Variants in GOLGA6C observed in about 807,000 individuals in gnomAD.
The protein encoded by GOLGA6C is golgin subfamily A member 6C.
A neutral mutation model predicts 57.5 loss-of-function variants in GOLGA6C; 3 were observed. That is an observed-to-expected ratio of 0.05 (90% CI 0.02 to 0.13). The LOEUF is 0.13. Among genes scored for constraint, GOLGA6C ranks in the 10% least tolerant of loss-of-function variants. GOLGA6C has a pLI of 1.00. For missense variants in GOLGA6C, 88 were observed against 525.6 expected (o/e 0.17, Z 8.14); for synonymous variants, 32 against 203.8 (o/e 0.16, Z 7.18).
rs2070795984 is a variant in GOLGA6C, at chr15:75,272,948, A to G, written c.*2749A>G. On this transcript the variant is annotated 3_prime_UTR_variant, in exon 18 of 18. Transcript: ENST00000300576. ...CAACTGAATAAATTTGAATTTCTGT[A>G]GGAAGTAAAGAATTAAAAATCTATT... is the stretch of plus-strand genomic sequence containing the variant. Among the ~76,000 whole-genome samples the G allele has an allele frequency of 6.6e-6, 1 of 152,018 alleles. No homozygotes were observed. The highest frequency in any genetic ancestry group is 6.5e-5 in the Admixed American group (1 of 15,274).
chr15:75,265,181 G>A lies in GOLGA6C; in HGVS notation c.624G>A (p.Arg208=), dbSNP rs775255691. 2 of 1,596,178 alleles carry A rather than the reference G, an allele frequency of 1.3e-6. No individual in the cohort carries two copies. Among genetic ancestry groups the A allele is most frequent in the South Asian group, 1.1e-5 (1 of 89,960 alleles). Residue 208 remains arginine, a synonymous_variant, in exon 8 of 18, where the codon CGG becomes CGA. Transcript: ENST00000300576. The part of the protein sequence containing the change: ...QRRLQQTIKE[R]ALLNAHVTQV... ...GGTTACAGCAGACCATAAAGGAGCG[G>A]GCGCTGCTGAACGCACACGTGACAC...
chr15:75,261,925 T>C (rs1424192515), intron 2 of GOLGA6C, among the ~76,000 whole-genome samples: 2 of 3,894 alleles, frequency 5.1e-4, no homozygotes, highest in African/African-American at 6.1e-4. Context: ...CAAGTGATTC[T>C]CTTGCCTTAG....
intron 7 of GOLGA6C, among the ~76,000 whole-genome samples, 196 bp downstream of exon 7, chr15:75,264,279 G>A (rs2070746427): frequency 3.5e-5 from 5 of 141,562 alleles, no homozygotes; most frequent in South Asian, 2.4e-4. Flanking sequence ...GGCACTGTGG[G>A]GAGTGAGCAC....
At position 75,265,176 on chromosome 15, in the gene GOLGA6C, G is replaced by T; in HGVS notation, c.619G>T (p.Glu207Ter). ...LQRRLQQTIKERALLNAHVTQ... is the reference protein window; with the variant it reads ...LQRRLQQTIK ...GCGGCGGTTACAGCAGACCATAAAGGAGCGGGCGCTGCTGAACGCACACGT... is the reference window on the plus strand; with the variant it reads ...GCGGCGGTTACAGCAGACCATAAAGTAGCGGGCGCTGCTGAACGCACACGT... The change falls in exon 8 of 18, where the codon GAG (glutamate) becomes TAG (stop). Residue 207 changes from glutamate (E) to a stop codon, truncating the protein, a stop_gained. Transcript: ENST00000300576. LOFTEE classifies it high-confidence loss of function. 6.3e-7 allele frequency: 1 copy of T among 1,597,242 alleles called. No individual in the cohort carries two copies. The highest frequency in any genetic ancestry group is 8.5e-7 in the Non-Finnish European group (1 of 1,175,938).
Position 75,270,204 on chromosome 15 carries a change from A to T in GOLGA6C, c.*5A>T, listed in dbSNP as rs777626871. On this transcript the variant is annotated 3_prime_UTR_variant, in exon 18 of 18. Transcript: ENST00000300576. Reference sequence around the variant, plus strand: ...CCTGTCATGCAGGACACCTAGGAGCACCCAGGCTTGCCCAGCAAACCCTGC... The same window carrying T: ...CCTGTCATGCAGGACACCTAGGAGCTCCCAGGCTTGCCCAGCAAACCCTGC... 6.3e-7 allele frequency: 1 copy of T among 1,592,410 alleles called. No individual in the cohort carries two copies. Among genetic ancestry groups the T allele is most frequent in the South Asian group, 1.1e-5 (1 of 89,268 alleles).
intron 1 of GOLGA6C, among the ~76,000 whole-genome samples, chr15:75,258,947 C>T (rs2070721145): frequency 6.7e-6 from 1 of 149,742 alleles, no homozygotes; most frequent in African/African-American, 2.5e-5. Flanking sequence ...TCAGCCCTCA[C>T]GTCCTGCCAC....
chr15:75,264,867 T>TCAAA (rs2141631880), intron 7 of GOLGA6C, among the ~76,000 whole-genome samples: 1 of 145,544 alleles, frequency 6.9e-6, no homozygotes, highest in African/African-American at 2.6e-5. Flanking sequence ...CCATAACGGT[T>TCAAA]CAAACAGTGG....
Position 75,270,187 on chromosome 15 carries a change from G to T in GOLGA6C, c.2070G>T (p.Met690Ile). The change falls in exon 18 of 18, where the codon ATG (methionine) becomes ATT (isoleucine). Residue 690 changes from methionine (M) to isoleucine (I), a missense_variant. Met to Ile is a conservative substitution (Grantham distance 10). Transcript: ENST00000300576. ...AGATCGTGCAGCTGTCTCCTGTCAT[G>T]CAGGACACCTAGGAGCACCCAGGCT... The part of the protein sequence containing the change: ...VQQIVQLSPV[M>I]QDT The T allele has an allele frequency of 1.3e-6, 2 of 1,592,948 alleles. No individual in the cohort carries two copies. Among genetic ancestry groups the T allele is most frequent in the South Asian group, 1.1e-5 (1 of 89,352 alleles).
At position 75,273,043 on chromosome 15, in the gene GOLGA6C, A is replaced by G; in HGVS notation, c.*2844A>G. 6.6e-6 allele frequency among the ~76,000 whole-genome samples: 1 copy of G among 152,008 alleles called. No homozygotes were observed. Among genetic ancestry groups the G allele is most frequent in the Admixed American group, 6.6e-5 (1 of 15,240 alleles). ...TGATGGGTTTTCCAGAAATGAAAACAAGTCAGTTCTAAAACCAAAGCTGAT... is the reference window on the plus strand; with the variant it reads ...TGATGGGTTTTCCAGAAATGAAAACGAGTCAGTTCTAAAACCAAAGCTGAT... On this transcript the variant is annotated 3_prime_UTR_variant, in exon 18 of 18. Transcript: ENST00000300576.
chr15:75,265,592 G>A (rs2141632641), intron 9 of GOLGA6C, 25 bp from the exon 10 acceptor site: 1 of 599,478 alleles, frequency 1.7e-6, no homozygotes, highest in East Asian at 2.9e-5. Flanking sequence ...TCTCTCCAGG[G>A]CCCTTTCCCC....
chr15:75,264,439 G>GGTGTGTGTGTGTGT lies in GOLGA6C; in HGVS notation c.564+381_564+394dup, dbSNP rs368165570. On this transcript the variant is annotated intron_variant, in intron 7 of 17. Coordinates refer to ENST00000300576, the MANE Select transcript of GOLGA6C (RefSeq NM_001164404.2). ...ACCATTTCTGTAGAGAGAGGAAAGGGGTGTGTGTGTGTGTGTGTGTGTGTG... is the reference window on the plus strand; with the variant it reads ...ACCATTTCTGTAGAGAGAGGAAAGGGGTGTGTGTGTGTGTGTGTGTGTGTGTGTGTGTGTGTGTG... 7.4e-4 allele frequency among the ~76,000 whole-genome samples: 87 copies of GGTGTGTGTGTGTGT among 117,318 alleles called. 3 individuals carry two copies. Among genetic ancestry groups the GGTGTGTGTGTGTGT allele is most frequent in the Non-Finnish European group, 1.1e-3 (67 of 58,990 alleles). The allele number at this position is 117,318 out of a possible 152,430, so 77.0% of individuals were successfully genotyped here.
At chr15:75,260,576 T>C in intron 2 of GOLGA6C, 84 bp downstream of exon 2, 1 of 746,644 alleles carries the variant, frequency 1.3e-6, no homozygotes, top group East Asian at 2.7e-5. Context: ...GGGTACTGGT[T>C]AAGAATTCTG....
At chr15:75,259,087 C>T (rs1293998877) in intron 1 of GOLGA6C, among the ~76,000 whole-genome samples, 1 of 151,872 alleles carries the variant, frequency 6.6e-6, no homozygotes, top group Non-Finnish European at 1.5e-5. Flanking sequence ...GTTCCCTGAG[C>T]AGACTCTGCT....
In GOLGA6C at chr15:75,258,694, A is replaced by G. The variant is rs1285486863; in HGVS notation, c.84+12A>G. On this transcript the variant is annotated intron_variant, in intron 1 of 17. Coordinates refer to ENST00000300576, the MANE Select transcript of GOLGA6C (RefSeq NM_001164404.2). ...CAGCCAAGAAAAAGGTAAAAAGCCA[A>G]GAAAAAGGTCATGGCCCCCCAACCT... The G allele has an allele frequency of 3.5e-5, 19 of 541,220 alleles. No homozygotes were observed. The African/African-American group carries it at 3.7e-4, about 11-fold the overall frequency. The allele number at this position is 541,220 out of a possible 1,614,324, so 33.5% of individuals were successfully genotyped here. A position where few individuals can be genotyped will look rare whatever the true frequency, so the allele number is the denominator to read the frequency against.
intron 7 of GOLGA6C, among the ~76,000 whole-genome samples, chr15:75,264,476 GTA>G (rs2070748235): frequency 8.8e-6 from 1 of 113,392 alleles, no homozygotes; most frequent in African/African-American, 3.9e-5. Flanking sequence ...GTGTGTGTGT[GTA>G]CTATGATAAT....
At chr15:75,261,880 G>A (rs1244074669) in intron 2 of GOLGA6C, among the ~76,000 whole-genome samples, 1 of 13,708 alleles carries the variant, frequency 7.3e-5, no homozygotes, top group Non-Finnish European at 1.5e-4. Flanking sequence ...GGAGTGGTGC[G>A]ATCTCGGCTC....
rs1333638008 is a variant in GOLGA6C at position 75,269,161 on chromosome 15, G to A, written c.1593+273G>A. Among the ~76,000 whole-genome samples, 12 of 145,124 alleles carry A rather than the reference G, an allele frequency of 8.3e-5. 1 individual carries two copies. The highest frequency in any genetic ancestry group is 1.0e-4 in the Non-Finnish European group (7 of 67,018). ...CCTTCAAGTGGCATTTTTCAACTCC[G>A]CTGGAGCCAGTTCCCAGGAGGAGCA... is the stretch of plus-strand genomic sequence containing the variant. On this transcript the variant is annotated intron_variant, in intron 14 of 17. Coordinates refer to ENST00000300576, the MANE Select transcript of GOLGA6C (RefSeq NM_001164404.2).
chr15:75,265,953 A>G (rs2070759987), intron 10 of GOLGA6C, among the ~76,000 whole-genome samples, 152 bp from the exon 11 acceptor site: 1 of 146,284 alleles, frequency 6.8e-6, no homozygotes. Context: ...ATTGGCTACC[A>G]TTGGGTGCGA....
intron 14 of GOLGA6C, 139 bp from the exon 15 acceptor site, chr15:75,269,314 G>C: frequency 1.7e-6 from 1 of 591,490 alleles, no homozygotes; most frequent in Non-Finnish European, 3.0e-6. Context: ...AGATGAGTTT[G>C]TGTGTGGGGA....
Sources: allele counts gnomAD v4.1 joint callset (sites outside exome capture counted in the v4.1 genomes callset), GRCh38; gene constraint gnomAD v4.1.1; transcripts MANE v1.5; gene names NCBI Gene and HGNC (gene_info 2026-07-23, HGNC 2026-07-21).